The following DCDC1 variants were observed in gnomAD, a reference collection of about 807,000 sequenced individuals.
The protein encoded by DCDC1 is doublecortin domain containing 1, also known as doublecortin domain-containing protein 1.
A neutral mutation model predicts 178.3 loss-of-function variants in DCDC1; 200 were observed. The ratio of observed to expected loss-of-function variants is 1.12; its 90% CI spans 1.00 to 1.26. DCDC1 has a LOEUF of 1.26. Among genes scored for constraint, DCDC1 ranks in the 50% most tolerant of loss-of-function variants. The probability of loss-of-function intolerance (pLI) is 0.00; values close to 1 mark genes in which losing one functional copy is unlikely to be tolerated. For missense variants in DCDC1, 1,983 were observed against 1,749.2 expected, an observed-to-expected ratio of 1.13 and a Z score of -2.38; for synonymous variants, 690 against 604.8, an observed-to-expected ratio of 1.14 and a Z score of -2.07.
intron 1 of DCDC1, among the ~76,000 whole-genome samples, chr11:31,340,981 G>A (rs1395221053): frequency 6.6e-6 from 1 of 152,112 alleles, no homozygotes; most frequent in Non-Finnish European, 1.5e-5. Flanking sequence ...GGAACTTGAG[G>A]TATCTGGCAA....
At chr11:31,194,666 C>T (rs890033930) in intron 9 of DCDC1, among the ~76,000 whole-genome samples, 4 of 151,930 alleles carry the variant, frequency 2.6e-5, no homozygotes, top group African/African-American at 9.7e-5. Context: ...CCATAAGTTA[C>T]TTAATCTTTT....
At chr11:30,922,097 A>G (rs1358733317) in intron 24 of DCDC1, among the ~76,000 whole-genome samples, 1 of 152,248 alleles carries the variant, frequency 6.6e-6, no homozygotes, top group East Asian at 1.9e-4. Flanking sequence ...AGTAGAGCCC[A>G]GGAAGCAAGA....
chr11:30,947,302 C>G (rs1446597648), intron 21 of DCDC1, among the ~76,000 whole-genome samples: 1 of 152,116 alleles, frequency 6.6e-6, no homozygotes, highest in Non-Finnish European at 1.5e-5. Flanking sequence ...GAAGCATTAC[C>G]TGACTTGAAA....
chr11:31,030,694 G>A (rs1237504080), intron 20 of DCDC1, among the ~76,000 whole-genome samples: 1 of 152,030 alleles, frequency 6.6e-6, no homozygotes, highest in Non-Finnish European at 1.5e-5. Flanking sequence ...TGTCTGCCTG[G>A]GTGAAGCCAC....
chr11:31,064,824 T>C (rs1469849615), intron 19 of DCDC1, among the ~76,000 whole-genome samples, 195 bp downstream of exon 19: 4 of 152,174 alleles, frequency 2.6e-5, no homozygotes, highest in South Asian at 2.1e-4. Context: ...TAATAAAATG[T>C]TTATATAAAG....
chr11:31,180,052 A>G (rs1054055101), intron 9 of DCDC1, among the ~76,000 whole-genome samples: 3 of 152,226 alleles, frequency 2.0e-5, no homozygotes, highest in Non-Finnish European at 4.4e-5. Flanking sequence ...CAATAGACAC[A>G]GAAAAAGCAT....
intron 1 of DCDC1, among the ~76,000 whole-genome samples, chr11:31,369,005 C>G (rs761906364): frequency 1.3e-5 from 2 of 152,180 alleles, no homozygotes; most frequent in Non-Finnish European, 2.9e-5. Context: ...TGCCCATATG[C>G]AGTGCCCCCT....
chr11:30,927,216 A>G lies in DCDC1; in HGVS notation c.2898-1808T>C, dbSNP rs534546853. Among the ~76,000 whole-genome samples the G allele has an allele frequency of 2.0e-4, 31 of 152,120 alleles. No homozygotes were observed. In the South Asian group the frequency reaches 2.7e-3, roughly 13 times the overall value. The stretch of plus-strand genomic sequence containing the variant: ...CTCTCTCTTTCCTGGTTATATATAA[A>G]CCAGGAAATATATCATCATGTAATG... On this transcript the variant is annotated intron_variant, in intron 22 of 38. Transcript: ENST00000684477.
chr11:31,364,062 C>T lies in DCDC1; in HGVS notation c.-125+5635G>A, dbSNP rs374245152. Among the ~76,000 whole-genome samples the T allele has an allele frequency of 3.9e-5, 6 of 152,250 alleles. No homozygotes were observed. The East Asian group carries it at 7.7e-4, about 20-fold the overall frequency. ...CCATGCACTCTCTGAGGGTAAACAA[C>T]CAATACTCTATGGTGTAGTGTGTGC... On this transcript the variant is annotated intron_variant, in intron 1 of 38. Transcript: ENST00000684477.
chr11:31,147,048 T>C (rs1027727507), intron 9 of DCDC1, among the ~76,000 whole-genome samples: 6 of 152,120 alleles, frequency 3.9e-5, no homozygotes, highest in African/African-American at 1.4e-4. Flanking sequence ...AAGCACTTGT[T>C]TTCATTTACC....
chr11:30,878,767 A>G, intron 37 of DCDC1, 56 bp from the exon 38 acceptor site: 1 of 1,495,132 alleles, frequency 6.7e-7, no homozygotes, highest in Non-Finnish European at 8.9e-7. Context: ...ATAGAAAATA[A>G]TTAAAAGTCC....
At chr11:31,240,463 CAA>C (rs919861142) in intron 9 of DCDC1, among the ~76,000 whole-genome samples, 5 of 152,024 alleles carry the variant, frequency 3.3e-5, no homozygotes, top group African/African-American at 9.6e-5. Flanking sequence ...CACTTTATTC[CAA>C]AGTCAATACA....
intron 22 of DCDC1, among the ~76,000 whole-genome samples, chr11:30,930,522 T>G (rs1355292652): frequency 6.6e-6 from 1 of 152,144 alleles, no homozygotes; most frequent in Non-Finnish European, 1.5e-5. Flanking sequence ...CCTGAATACG[T>G]GATGAACTGG....
At chr11:31,257,215 T>C (rs747276508) in intron 8 of DCDC1, among the ~76,000 whole-genome samples, 1 of 152,168 alleles carries the variant, frequency 6.6e-6, no homozygotes, top group Non-Finnish European at 1.5e-5. Flanking sequence ...TCAATTCTAC[T>C]CTTCACTATG....
chr11:31,202,176 C>T (rs1283723551), intron 9 of DCDC1, among the ~76,000 whole-genome samples: 1 of 152,176 alleles, frequency 6.6e-6, no homozygotes, highest in Non-Finnish European at 1.5e-5. Flanking sequence ...CCACAGGTCT[C>T]CACTGCAGTC....
At chr11:30,908,124 C>T (rs1007823710) in intron 29 of DCDC1, among the ~76,000 whole-genome samples, 2 of 151,190 alleles carry the variant, frequency 1.3e-5, no homozygotes, top group Non-Finnish European at 3.0e-5. Flanking sequence ...CCTGAACCCA[C>T]TCATAACTAT....
At chr11:30,932,991 C>CTT (rs34817365) in intron 21 of DCDC1, among the ~76,000 whole-genome samples, 1 of 145,278 alleles carries the variant, frequency 6.9e-6, no homozygotes, top group Non-Finnish European at 1.5e-5. Flanking sequence ...TATTCTTTCT[C>CTT]TTTTTTTTTT....
chr11:30,947,952 T>C lies in DCDC1; in HGVS notation c.2715+4493A>G, dbSNP rs1948156765. ...TTAGAAAACTGGCATGAGACAAGTA[T>C]GCCCTCTCTCACCACTCCTATTCAA... On this transcript the variant is annotated intron_variant, in intron 21 of 38. Transcript: ENST00000684477. Among the ~76,000 whole-genome samples the C allele has an allele frequency of 3.3e-5, 5 of 152,258 alleles. No homozygotes were observed. The South Asian group carries it at 1.0e-3, about 32-fold the overall frequency.
chr11:30,934,636 G>A (rs1947157355), intron 21 of DCDC1, among the ~76,000 whole-genome samples: 1 of 152,158 alleles, frequency 6.6e-6, no homozygotes, highest in Non-Finnish European at 1.5e-5. Flanking sequence ...AGCAATCACA[G>A]AGTCTTATAG....
Sources: allele counts gnomAD v4.1 joint callset (sites outside exome capture counted in the v4.1 genomes callset), GRCh38; gene constraint gnomAD v4.1.1; transcripts MANE v1.5; gene names NCBI Gene and HGNC (gene_info 2026-07-23, HGNC 2026-07-21).